EPM2A: variants seen among roughly 807,000 people sequenced by gnomAD.
EPM2A encodes the protein EPM2A glucan phosphatase, laforin.
Under a neutral mutation model 26.5 loss-of-function variants are expected in EPM2A, and 21 were observed. That is an observed-to-expected ratio of 0.79 (90% CI 0.56 to 1.14). EPM2A has a LOEUF of 1.14. Among genes scored for constraint, EPM2A ranks in the 50% most tolerant of loss-of-function variants. EPM2A has a pLI of 0.00. For missense variants in EPM2A, 458 were observed against 440.8 expected, an observed-to-expected ratio of 1.04 and a Z score of -0.35; for synonymous variants, 217 against 177.6, an observed-to-expected ratio of 1.22 and a Z score of -1.76.
chr6:145,735,650 C>G, upstream of EPM2A: 2 of 1,083,546 alleles, frequency 1.8e-6, no homozygotes, highest in Non-Finnish European at 2.2e-6. Context: ...CTTTGGGATG[C>G]ATCACGCGGC....
chr6:145,709,219 T>G (rs1183727261), intron 1 of EPM2A, among the ~76,000 whole-genome samples: 2 of 152,158 alleles, frequency 1.3e-5, no homozygotes, highest in African/African-American at 4.8e-5. Context: ...GGGGGACTGT[T>G]GGGAAGGCAT....
intron 1 of EPM2A, among the ~76,000 whole-genome samples, chr6:145,703,093 CT>C (rs1293584320): frequency 2.3e-4 from 20 of 88,774 alleles, no homozygotes; most frequent in South Asian, 1.6e-3. Flanking sequence ...AAACATGTTT[CT>C]TTTTTTTTTT....
At chr6:145,492,518 G>A (rs190250901) in intron 4 of EPM2A, among the ~76,000 whole-genome samples, 17 of 152,056 alleles carry the variant, frequency 1.1e-4, no homozygotes, top group African/African-American at 3.1e-4. Flanking sequence ...CATTGTGACC[G>A]CCTTCATCCA....
chr6:145,387,687 G>A (rs1315659225), intron 4 of EPM2A, among the ~76,000 whole-genome samples: 2 of 151,218 alleles, frequency 1.3e-5, no homozygotes, highest in African/African-American at 4.9e-5. Flanking sequence ...GTAACAGCAG[G>A]GAAAAAAAGA....
In EPM2A at chr6:145,735,455, C is replaced by G; in HGVS notation, c.44G>C (p.Gly15Ala). 1.4e-5 allele frequency: 17 copies of G among 1,235,876 alleles called. No homozygotes were observed. Among genetic ancestry groups the G allele is most frequent in the Non-Finnish European group, 1.7e-5 (17 of 985,750 alleles). The allele number at this position is 1,235,876 out of a possible 1,614,324, so 76.6% of individuals were successfully genotyped here. Residue 15 changes from glycine to alanine, a missense_variant, in exon 1 of 4, where the codon GGC becomes GCC. Physicochemically the swap from Gly to Ala is moderately conservative, Grantham distance 60. Coordinates refer to ENST00000367519, the MANE Select transcript of EPM2A (RefSeq NM_005670.4). ...CACCACCAGCAGCTCCGGCCGGGCG[C>G]CGGCCACGGCGGGTGGCACCACCAC... is the stretch of plus-strand genomic sequence containing the variant. ...FGVVVPPAVAGARPELLVVGS... is the reference protein window; with the variant it reads ...FGVVVPPAVAAARPELLVVGS...
intron 2 of EPM2A, among the ~76,000 whole-genome samples, chr6:145,683,146 G>A (rs1780659935): frequency 6.6e-6 from 1 of 151,932 alleles, no homozygotes; most frequent in Non-Finnish European, 1.5e-5. Context: ...GAATTTTTAA[G>A]GGGAGTTGGA....
intron 1 of EPM2A, among the ~76,000 whole-genome samples, chr6:145,729,087 C>T (rs1776352612): frequency 6.6e-6 from 1 of 152,184 alleles, no homozygotes; most frequent in African/African-American, 2.4e-5. Flanking sequence ...CCAGCTAGTG[C>T]ACAGAGGGCA....
chr6:145,669,670 G>T (rs1296862689), intron 2 of EPM2A, among the ~76,000 whole-genome samples: 1 of 152,070 alleles, frequency 6.6e-6, no homozygotes, highest in African/African-American at 2.4e-5. Context: ...ATTTCTTTCT[G>T]ATCTGGCTAG....
chr6:145,476,279 A>G (rs1371789632), intron 4 of EPM2A, among the ~76,000 whole-genome samples: 1 of 152,126 alleles, frequency 6.6e-6, no homozygotes, highest in Non-Finnish European at 1.5e-5. Flanking sequence ...CCAGGTATAT[A>G]AAGGAAATAT....
At chr6:145,654,267 C>A (rs1041424836) in intron 2 of EPM2A, among the ~76,000 whole-genome samples, 3 of 151,704 alleles carry the variant, frequency 2.0e-5, no homozygotes, top group African/African-American at 7.3e-5. Flanking sequence ...ACCGCAACCT[C>A]TGCCTTCGGG....
At chr6:145,708,236 G>T (rs73566121) in intron 1 of EPM2A, among the ~76,000 whole-genome samples, 1 of 152,078 alleles carries the variant, frequency 6.6e-6, no homozygotes, top group African/African-American at 2.4e-5. Context: ...AAAGAAAAAC[G>T]CATTTTCTGG....
chr6:145,619,394 G>T (rs1775583127), intron 2 of EPM2A, among the ~76,000 whole-genome samples: 1 of 152,174 alleles, frequency 6.6e-6, no homozygotes, highest in Admixed American at 6.5e-5. Flanking sequence ...AAATTCACCT[G>T]CAACAATGAA....
At chr6:145,649,443 TAC>T (rs1243922604) in intron 2 of EPM2A, among the ~76,000 whole-genome samples, 14 of 152,338 alleles carry the variant, frequency 9.2e-5, no homozygotes, top group African/African-American at 3.1e-4. Context: ...ATGAATATTA[TAC>T]CCTAAAAAAG....
chr6:145,577,060 TACA>T (rs1483234649), intron 2 of EPM2A, among the ~76,000 whole-genome samples: 1 of 150,312 alleles, frequency 6.7e-6, no homozygotes, highest in Non-Finnish European at 1.5e-5. Flanking sequence ...AGCAAGAAAT[TACA>T]ACATTCTGCC....
intron 1 of EPM2A, among the ~76,000 whole-genome samples, chr6:145,718,138 C>T (rs951756829): frequency 1.4e-4 from 21 of 151,834 alleles, no homozygotes; most frequent in Non-Finnish European, 2.5e-4. Context: ...CATATGGAAC[C>T]AAAAAAGAGC....
Position 145,626,607 on chromosome 6 carries a change from T to G in EPM2A, c.*809A>C. 1 of 985,006 alleles carries G rather than the reference T, an allele frequency of 1.0e-6. No homozygotes were observed. Among genetic ancestry groups the G allele is most frequent in the African/African-American group, 1.7e-5 (1 of 57,352 alleles). 61.0% of individuals were successfully genotyped at this position (985,006 alleles called of 1,614,324 possible). A position where few individuals can be genotyped will look rare whatever the true frequency, so the allele number is the denominator to read the frequency against. ...ATGATGCTGGGAAAACAAGTTGTGA[T>G]GAAAACAGTGCTGAGTCAAATAAAT... On this transcript the variant is annotated 3_prime_UTR_variant, in exon 4 of 4. Transcript: ENST00000367519.
chr6:145,713,931 C>G (rs1441087694), intron 1 of EPM2A, among the ~76,000 whole-genome samples: 1 of 152,142 alleles, frequency 6.6e-6, no homozygotes, highest in East Asian at 1.9e-4. Flanking sequence ...CATGCTACAA[C>G]ACGTACAAAC....
At chr6:145,735,710 G>C (rs541548879), upstream of EPM2A, 1 of 987,782 alleles carries the variant, frequency 1.0e-6, no homozygotes, top group East Asian at 6.3e-5. Context: ...CAGCGGAGCC[G>C]CTAGCTGCCT....
chr6:145,617,841 C>T (rs755858921), intron 2 of EPM2A, among the ~76,000 whole-genome samples: 3 of 152,152 alleles, frequency 2.0e-5, no homozygotes, highest in African/African-American at 4.8e-5. Flanking sequence ...ACTCAAGAAG[C>T]TGAGGTGGGA....
Sources: allele counts gnomAD v4.1 joint callset (sites outside exome capture counted in the v4.1 genomes callset), GRCh38; gene constraint gnomAD v4.1.1; transcripts MANE v1.5; gene names NCBI Gene and HGNC (gene_info 2026-07-23, HGNC 2026-07-21).